Variants in KAZN observed in about 807,000 individuals in gnomAD.
KAZN encodes the protein kazrin.
A neutral mutation model predicts 87.4 loss-of-function variants in KAZN; 40 were observed. The observed-to-expected ratio is 0.46, with a 90% CI of 0.36 to 0.60. The LOEUF (loss-of-function observed/expected upper bound fraction) is 0.60. KAZN is among the 20% of genes least tolerant of loss of function. KAZN has a pLI of 0.00. For missense variants in KAZN, 898 were observed against 1,073.9 expected, an observed-to-expected ratio of 0.84 and a Z score of 2.29; for synonymous variants, 466 against 458.3, an observed-to-expected ratio of 1.02 and a Z score of -0.22.
chr1:14,400,027 G>A (rs984112184), intron 2 of KAZN, among the ~76,000 whole-genome samples: 31 of 152,068 alleles, frequency 2.0e-4, no homozygotes, highest in Non-Finnish European at 2.1e-4. Context: ...CATCCAGTCA[G>A]GGGTTAATGC....
At chr1:13,962,891 G>A (rs1158190978) in intron 1 of KAZN, among the ~76,000 whole-genome samples, 1 of 152,186 alleles carries the variant, frequency 6.6e-6, no homozygotes, top group Non-Finnish European at 1.5e-5. Flanking sequence ...GAAAACTGAG[G>A]TGTAGAGAAG....
rs557988443 is a variant in KAZN at position 14,067,895 on chromosome 1, C to T, written c.92-112540C>T. 1.3e-3 allele frequency among the ~76,000 whole-genome samples: 196 copies of T among 152,302 alleles called. 2 individuals are homozygous for T. Among genetic ancestry groups the T allele is most frequent in the Admixed American group, 3.5e-3 (54 of 15,298 alleles). On this transcript the variant is annotated intron_variant, in intron 1 of 16. Coordinates refer to the KAZN transcript ENST00000636203. ...CCATGTGGTGGCTCCCAGCATTGTC[C>T]TCACAGCCAACCATCCCAGCAGAAA...
At chr1:14,057,314 T>C (rs936418647) in intron 1 of KAZN, among the ~76,000 whole-genome samples, 3 of 152,200 alleles carry the variant, frequency 2.0e-5, no homozygotes, top group South Asian at 2.1e-4. Context: ...TTTATATTTT[T>C]AGTAGAGACG....
chr1:15,101,943 C>G (rs1027317622), intron 11 of KAZN, among the ~76,000 whole-genome samples, 169 bp downstream of exon 11: 1 of 152,214 alleles, frequency 6.6e-6, no homozygotes, highest in African/African-American at 2.4e-5. Flanking sequence ...ATCTACCTAC[C>G]TATCCAGCCA....
At chr1:15,093,460 A>G (rs991863620) in intron 8 of KAZN, among the ~76,000 whole-genome samples, 2 of 152,060 alleles carry the variant, frequency 1.3e-5, no homozygotes, top group African/African-American at 4.8e-5. Context: ...CTCCAGATTT[A>G]AAGGCGAAAG....
intron 1 of KAZN, among the ~76,000 whole-genome samples, chr1:14,850,935 C>A (rs1649356688): frequency 6.6e-6 from 1 of 152,172 alleles, no homozygotes. Flanking sequence ...GGGTGTGGTT[C>A]CGAGGGCCTG....
chr1:14,303,701 T>C (rs1654718778), intron 2 of KAZN, among the ~76,000 whole-genome samples: 1 of 152,214 alleles, frequency 6.6e-6, no homozygotes, highest in South Asian at 2.1e-4. Flanking sequence ...TCCCTTCCCA[T>C]TTATGCCTAT....
intron 2 of KAZN, among the ~76,000 whole-genome samples, chr1:14,355,436 T>TTATA (rs1480445164): frequency 3.0e-5 from 4 of 134,518 alleles, no homozygotes; most frequent in African/African-American, 1.1e-4. Context: ...ATTTATTTAT[T>TTATA]TATATTATAC....
intron 1 of KAZN, among the ~76,000 whole-genome samples, chr1:14,726,607 T>C (rs1643396094): frequency 6.6e-6 from 1 of 152,180 alleles, no homozygotes; most frequent in South Asian, 2.1e-4. Flanking sequence ...GATTATGGTG[T>C]CCCCTACATA....
intron 2 of KAZN, among the ~76,000 whole-genome samples, chr1:14,548,767 TA>T (rs1324407815): frequency 2.2e-5 from 3 of 135,736 alleles, no homozygotes; most frequent in Non-Finnish European, 3.3e-5. Context: ...TTTTCACCAT[TA>T]AAACAGTCCT....
chr1:14,856,359 T>C lies in KAZN; in HGVS notation c.227-104325T>C, dbSNP rs1246538894. ...GAACTGTACCAACCCTAGAGGTTTCTTTAAAGACAAGTGAAGATTCAATGC... is the reference window on the plus strand; with the variant it reads ...GAACTGTACCAACCCTAGAGGTTTCCTTAAAGACAAGTGAAGATTCAATGC... On this transcript the variant is annotated intron_variant, in intron 1 of 14. Coordinates refer to ENST00000376030, the MANE Select transcript of KAZN (RefSeq NM_201628.3). This position sits in a 1 kb window ranked among gnomAD's most constrained non-coding sequence, Gnocchi z 5.2. Among the ~76,000 whole-genome samples the C allele has an allele frequency of 2.0e-5, 3 of 152,352 alleles. No individual in the cohort carries two copies. Among genetic ancestry groups the C allele is most frequent in the South Asian group, 2.1e-4 (1 of 4,822 alleles).
intron 2 of KAZN, among the ~76,000 whole-genome samples, chr1:14,469,412 T>C (rs888066462): frequency 1.3e-5 from 2 of 152,192 alleles, no homozygotes; most frequent in African/African-American, 4.8e-5. Context: ...CTTGGCTTTG[T>C]AGGAGACATG....
chr1:13,893,588 G>A lies in KAZN; in HGVS notation c.-78G>A, dbSNP rs1252786543. 9 of 1,518,288 alleles carry A rather than the reference G, an allele frequency of 5.9e-6. No individual in the cohort carries two copies. The Admixed American group carries it at 1.5e-4, about 25-fold the overall frequency. 94.1% of individuals were successfully genotyped at this position (1,518,288 alleles called of 1,614,324 possible). A position where few individuals can be genotyped will look rare whatever the true frequency, so the allele number is the denominator to read the frequency against. ...CCTCAGATCTGCAGTTCCTGGGCCA[G>A]CGACGGCATCCTTTGCTCTGACACT... On this transcript the variant is annotated 5_prime_UTR_variant, in exon 1 of 17. Transcript: ENST00000636203.
chr1:14,173,510 A>G lies in KAZN; in HGVS notation c.92-6925A>G, dbSNP rs538525177. On this transcript the variant is annotated intron_variant, in intron 1 of 16. Transcript: ENST00000636203. ...CAGTCCTACCAGTCTACCAATCCCAATTGAAAAAGAGGCCACACAGCCAAG... is the reference window on the plus strand; with the variant it reads ...CAGTCCTACCAGTCTACCAATCCCAGTTGAAAAAGAGGCCACACAGCCAAG... Among the ~76,000 whole-genome samples the G allele has an allele frequency of 2.6e-5, 4 of 152,240 alleles. No homozygotes were observed. In the South Asian group the frequency reaches 6.2e-4, roughly 24 times the overall value.
intron 1 of KAZN, among the ~76,000 whole-genome samples, chr1:14,040,820 A>G (rs145149533): frequency 0.011 from 1,381 of 126,760 alleles, 29 homozygotes; most frequent in African/African-American, 0.033. Flanking sequence ...AAAATAAAAT[A>G]GAAAAGAAAG....
intron 2 of KAZN, among the ~76,000 whole-genome samples, chr1:14,985,018 C>T (rs574679691): frequency 1.3e-5 from 2 of 152,068 alleles, no homozygotes; most frequent in Admixed American, 6.5e-5. Context: ...CACCTGTAGT[C>T]CCAGCTACTC....
At chr1:14,142,410 T>G (rs1236867340) in intron 1 of KAZN, among the ~76,000 whole-genome samples, 1 of 152,222 alleles carries the variant, frequency 6.6e-6, no homozygotes, top group Non-Finnish European at 1.5e-5. Flanking sequence ...GCTTCTTAGC[T>G]TTTGGAAATA....
rs372560468 is a variant in KAZN, at chr1:14,635,859, T to C, written c.226+36636T>C. Among the ~76,000 whole-genome samples, 241 of 152,296 alleles carry C rather than the reference T, an allele frequency of 1.6e-3. 3 individuals carry two copies. Among genetic ancestry groups the C allele is most frequent in the South Asian group, 7.3e-3 (35 of 4,826 alleles). On this transcript the variant is annotated intron_variant, in intron 1 of 14. Coordinates refer to ENST00000376030, the MANE Select transcript of KAZN (RefSeq NM_201628.3). The stretch of plus-strand genomic sequence containing the variant: ...GCCAGCCCTCTACCCAGCATGCCAG[T>C]GGTGCCAAGGTTCAGAAACCCTGAA...
At chr1:14,926,086 CCTT>C (rs1659140355) in intron 1 of KAZN, among the ~76,000 whole-genome samples, 1 of 152,234 alleles carries the variant, frequency 6.6e-6, no homozygotes, top group Non-Finnish European at 1.5e-5. Context: ...GTCCTCAGCT[CCTT>C]CTGGCATTAC....
Sources: gnomAD v4.1 joint callset for allele counts (sites outside exome capture counted in the v4.1 genomes callset) on GRCh38, gnomAD v4.1.1 for gene constraint, Gnocchi (gnomAD v3.1) non-coding constraint, MANE v1.5 for transcripts, NCBI Gene and HGNC (gene_info 2026-07-23, HGNC 2026-07-21) for gene names.